Variants in ANKS1B observed in about 807,000 individuals in gnomAD.
ANKS1B encodes the protein ankyrin repeat and sterile alpha motif domain containing 1B.
A neutral mutation model predicts 148.3 loss-of-function variants in ANKS1B; 36 were observed. The observed-to-expected ratio is 0.24, with a 90% CI of 0.19 to 0.32. ANKS1B has a LOEUF of 0.32. Ranked by LOEUF, ANKS1B falls within the 10% of genes least tolerant of loss-of-function variation. The pLI, the probability that ANKS1B is intolerant of heterozygous loss-of-function variation, is 1.00. For missense variants in ANKS1B, 1,157 were observed against 1,542.6 expected, an observed-to-expected ratio of 0.75 and a Z score of 4.19; for synonymous variants, 542 against 560.8, an observed-to-expected ratio of 0.97 and a Z score of 0.47.
chr12:99,369,544 T>C (rs1416620256), intron 12 of ANKS1B, among the ~76,000 whole-genome samples: 1 of 152,158 alleles, frequency 6.6e-6, no homozygotes, highest in East Asian at 1.9e-4. Flanking sequence ...AGACAGATGC[T>C]AGATGAAATA....
At chr12:99,294,753 A>G (rs550191220) in intron 12 of ANKS1B, among the ~76,000 whole-genome samples, 1 of 152,112 alleles carries the variant, frequency 6.6e-6, no homozygotes, top group East Asian at 1.9e-4. Flanking sequence ...TTCCAGGTTC[A>G]AGCAATTCTC....
At chr12:99,780,791 A>C (rs1180040626) in intron 5 of ANKS1B, among the ~76,000 whole-genome samples, 1 of 152,206 alleles carries the variant, frequency 6.6e-6, no homozygotes, top group Admixed American at 6.5e-5. Context: ...AATATTCACA[A>C]AGTTGAAAAA....
At chr12:98,742,268 T>A (rs1457259809), downstream of ANKS1B, among the ~76,000 whole-genome samples, 1 of 151,970 alleles carries the variant, frequency 6.6e-6, no homozygotes, top group African/African-American at 2.4e-5. Context: ...ATGAAGGATG[T>A]CTTATTTCAG....
chr12:99,874,730 G>T (rs1430333228), intron 1 of ANKS1B, among the ~76,000 whole-genome samples: 1 of 152,184 alleles, frequency 6.6e-6, no homozygotes, highest in African/African-American at 2.4e-5. Flanking sequence ...CAGGCCTGGT[G>T]TCAACTGCTG....
At chr12:98,895,096 G>T (rs140856498) in intron 17 of ANKS1B, 105,427 of 981,066 alleles carry the variant, frequency 0.11, 6,071 homozygotes, top group Non-Finnish European at 0.12. Flanking sequence ...GGCGAGGCGG[G>T]GGGGAGGTGT....
chr12:98,805,342 T>C (rs1201874501), intron 20 of ANKS1B, among the ~76,000 whole-genome samples: 1 of 151,738 alleles, frequency 6.6e-6, no homozygotes, highest in Non-Finnish European at 1.5e-5. Flanking sequence ...GAACATCAAT[T>C]AAACAGAGGA....
intron 16 of ANKS1B, among the ~76,000 whole-genome samples, chr12:99,058,361 G>C (rs1241007993): frequency 6.6e-6 from 1 of 150,794 alleles, no homozygotes; most frequent in Non-Finnish European, 1.5e-5. Context: ...CTCCCACCTC[G>C]GCTTCCCTAG....
At chr12:98,993,412 G>A (rs1246673508) in intron 17 of ANKS1B, among the ~76,000 whole-genome samples, 1 of 152,114 alleles carries the variant, frequency 6.6e-6, no homozygotes, top group Non-Finnish European at 1.5e-5. Context: ...CAAGTGATCC[G>A]CCCGCCTTGG....
In ANKS1B at chr12:99,499,648, A is replaced by G. The variant is rs183357288; in HGVS notation, c.1438+4828T>C. On this transcript the variant is annotated intron_variant, in intron 10 of 26. Coordinates refer to ENST00000683438, the MANE Select transcript of ANKS1B (RefSeq NM_001352186.2). ...CCAACACAGACCACGAGAAAGTCCAAGTAGGCCATGGCAGCGATATGAGTA... is the reference window on the plus strand; with the variant it reads ...CCAACACAGACCACGAGAAAGTCCAGGTAGGCCATGGCAGCGATATGAGTA... Among the ~76,000 whole-genome samples the G allele has an allele frequency of 6.3e-4, 96 of 152,266 alleles. 1 individual carries two copies. The highest frequency in any genetic ancestry group is 1.2e-3 in the Non-Finnish European group (82 of 68,020).
At chr12:99,592,023 T>C (rs1376972887) in intron 9 of ANKS1B, among the ~76,000 whole-genome samples, 5 of 152,192 alleles carry the variant, frequency 3.3e-5, no homozygotes, top group African/African-American at 1.2e-4. Flanking sequence ...ATTTAAACTA[T>C]ACTCAAATGT....
chr12:99,828,221 G>A (rs561820284), intron 1 of ANKS1B, among the ~76,000 whole-genome samples: 1 of 152,228 alleles, frequency 6.6e-6, no homozygotes, highest in East Asian at 1.9e-4. Flanking sequence ...CAGCAGAAAG[G>A]GAGACATTCT....
chr12:99,517,538 T>C lies in ANKS1B; in HGVS notation c.1273-12897A>G, dbSNP rs2096833593. Reference sequence around the variant, plus strand: ...TTCGAGACTAGCCTGACCAATGTGGTGAAACCCTGTCTCTAGTAAAAATAC... The same window carrying C: ...TTCGAGACTAGCCTGACCAATGTGGCGAAACCCTGTCTCTAGTAAAAATAC... On this transcript the variant is annotated intron_variant, in intron 9 of 26. Transcript: ENST00000683438. Among the ~76,000 whole-genome samples, 7 of 147,280 alleles carry C rather than the reference T, an allele frequency of 4.8e-5. No homozygotes were observed. In the Admixed American group the frequency reaches 4.8e-4, roughly 10 times the overall value.
chr12:99,190,940 C>T (rs577184121), intron 14 of ANKS1B, among the ~76,000 whole-genome samples: 13 of 151,954 alleles, frequency 8.6e-5, no homozygotes, highest in Admixed American at 2.0e-4. Flanking sequence ...TTTGCAATCT[C>T]TCCATCTGAC....
intron 10 of ANKS1B, among the ~76,000 whole-genome samples, chr12:99,465,644 T>C (rs2096091175): frequency 6.6e-6 from 1 of 152,156 alleles, no homozygotes; most frequent in Non-Finnish European, 1.5e-5. Context: ...GTTGCAATCC[T>C]AGTCTCTGAT....
intron 15 of ANKS1B, among the ~76,000 whole-genome samples, chr12:99,145,538 G>T (rs987190067): frequency 2.6e-5 from 4 of 152,054 alleles, no homozygotes; most frequent in Non-Finnish European, 5.9e-5. Flanking sequence ...AAACAAAAGT[G>T]AATGCGTATA....
intron 15 of ANKS1B, among the ~76,000 whole-genome samples, chr12:99,098,624 T>C (rs1368634183): frequency 2.0e-4 from 10 of 49,880 alleles, no homozygotes; most frequent in Non-Finnish European, 4.2e-4. Context: ...AACTACTTTT[T>C]TTTTTTTTTT....
chr12:99,111,782 T>C (rs2060337852), intron 15 of ANKS1B, among the ~76,000 whole-genome samples: 1 of 152,130 alleles, frequency 6.6e-6, no homozygotes, highest in Admixed American at 6.6e-5. Flanking sequence ...GGAGCTTTCT[T>C]GCCAGCCTGC....
intron 9 of ANKS1B, among the ~76,000 whole-genome samples, chr12:99,584,983 C>G (rs748405144): frequency 2.0e-5 from 3 of 152,206 alleles, no homozygotes; most frequent in Non-Finnish European, 2.9e-5. Flanking sequence ...TATCATCCCC[C>G]CGGCCCCTCC....
intron 17 of ANKS1B, among the ~76,000 whole-genome samples, chr12:99,031,394 T>A (rs565618211): frequency 3.9e-5 from 6 of 152,300 alleles, no homozygotes; most frequent in African/African-American, 1.4e-4. Flanking sequence ...ATGTTACCAG[T>A]TGGCCAGTAA....
Sources: gnomAD v4.1 joint callset for allele counts (sites outside exome capture counted in the v4.1 genomes callset) on GRCh38, gnomAD v4.1.1 for gene constraint, MANE v1.5 for transcripts, NCBI Gene and HGNC (gene_info 2026-07-23, HGNC 2026-07-21) for gene names.